Variants in GLYATL2 observed in about 807,000 individuals in gnomAD.
GLYATL2 encodes the protein glycine N-acyltransferase-like protein 2.
Under a neutral mutation model 21.4 loss-of-function variants are expected in GLYATL2, and 25 were observed. That is an observed-to-expected ratio of 1.17 (90% CI 0.85 to 1.63). GLYATL2 has a LOEUF of 1.63. GLYATL2 is among the 40% of genes most tolerant of loss of function. The probability of loss-of-function intolerance (pLI) is 0.00; values close to 1 mark genes in which losing one functional copy is unlikely to be tolerated. For synonymous variants in GLYATL2, 114 were observed against 118.2 expected (o/e 0.96, Z 0.23); for missense variants, 361 against 343.3 (o/e 1.05, Z -0.41).
intron 1 of GLYATL2, among the ~76,000 whole-genome samples, chr11:58,870,138 G>C (rs1443928334): frequency 6.6e-6 from 1 of 152,098 alleles, no homozygotes; most frequent in Non-Finnish European, 1.5e-5. Flanking sequence ...AATGACAATG[G>C]GGCACAGGAG....
chr11:58,909,733 G>A, the GLYATL2 span, among the ~76,000 whole-genome samples: 3 of 152,146 alleles, frequency 2.0e-5, no homozygotes, highest in Non-Finnish European at 4.4e-5. Flanking sequence ...AAGGTAGTGT[G>A]GTGCCAAGAT....
chr11:58,836,927 G>GTC, intron 5 of GLYATL2, 88 bp downstream of exon 5: 1 of 1,156,494 alleles, frequency 8.6e-7, no homozygotes. Context: ...TCATAATTTA[G>GTC]TCTCAAATCC....
At position 58,834,507 on chromosome 11, in the gene GLYATL2, C is replaced by G; in HGVS notation, c.807G>C (p.Gln269His). Residue 269 changes from glutamine (Q) to histidine (H), a missense_variant, in exon 6 of 6, where the codon CAG (glutamine) becomes CAC (histidine). Gln to His is a conservative substitution (Grantham distance 24). Transcript: ENST00000287275. ...TCTTAAACCCCAAATTGTTCAGTGC[C>G]TGTAGGCTTTTCTCATTATTATCTG... Reference protein sequence around the residue: ...HVADNNEKSLQALNNLGFKIC... With the variant: ...HVADNNEKSLHALNNLGFKIC... The G allele has an allele frequency of 6.2e-7, 1 of 1,613,764 alleles. No homozygotes were observed. The highest frequency in any genetic ancestry group is 8.5e-7 in the Non-Finnish European group (1 of 1,179,756).
At chr11:58,909,768 A>G in the GLYATL2 span, among the ~76,000 whole-genome samples, 19 of 152,202 alleles carry the variant, frequency 1.2e-4, no homozygotes, top group African/African-American at 4.6e-4. Flanking sequence ...TATCAATAAG[A>G]GCTCTCCATA....
chr11:58,879,239 A>C (rs1400433569), intron 1 of GLYATL2, among the ~76,000 whole-genome samples: 2 of 152,212 alleles, frequency 1.3e-5, no homozygotes, highest in African/African-American at 4.8e-5. Context: ...AGAAAATTCT[A>C]AAATAAGAAA....
intron 1 of GLYATL2, chr11:58,893,541 C>G (rs1854582669): frequency 6.3e-6 from 1 of 158,506 alleles, no homozygotes; most frequent in Admixed American, 6.4e-5. Flanking sequence ...TCTTCACTTA[C>G]AAATGTTGAT....
chr11:58,906,270 G>A (rs1375621761), upstream of GLYATL2, among the ~76,000 whole-genome samples: 1 of 152,166 alleles, frequency 6.6e-6, no homozygotes, highest in African/African-American at 2.4e-5. Context: ...AGCTTCAAAG[G>A]CCAAGAGTGT....
At chr11:58,846,582 AG>A (rs1853648618), upstream of GLYATL2, among the ~76,000 whole-genome samples, 1 of 152,132 alleles carries the variant, frequency 6.6e-6, no homozygotes, top group Admixed American at 6.5e-5. Flanking sequence ...TTAGACACAA[AG>A]GAAAACTAGA....
At position 58,854,427 on chromosome 11, in the gene GLYATL2, A is replaced by G. The variant is rs372494626; in HGVS notation, n.61-16059T>C. On this transcript the variant is annotated intron_variant and non_coding_transcript_variant, in intron 1 of 4. Coordinates refer to the GLYATL2 transcript ENST00000533636. ...TTATGTTCACTCTATACTGTAGTCT[A>G]TTAGGTGTCCAATTGCATTATGTCT... Among the ~76,000 whole-genome samples, 12 of 152,352 alleles carry G rather than the reference A, an allele frequency of 7.9e-5. No individual in the cohort carries two copies. The East Asian group carries it at 9.6e-4, about 12-fold the overall frequency.
At chr11:58,898,770 T>C (rs2134627989) in intron 1 of GLYATL2, among the ~76,000 whole-genome samples, 1 of 152,036 alleles carries the variant, frequency 6.6e-6, no homozygotes, top group African/African-American at 2.4e-5. Context: ...GAGGTGGAGC[T>C]TGCAGTGAGC....
At chr11:58,901,143 G>A (rs533447237) in intron 1 of GLYATL2, among the ~76,000 whole-genome samples, 1 of 152,294 alleles carries the variant, frequency 6.6e-6, no homozygotes, top group Admixed American at 6.5e-5. Flanking sequence ...CAAGATGCAA[G>A]TAAAAAAGCA....
At position 58,844,465 on chromosome 11, in the gene GLYATL2, T is replaced by G. The variant is rs1182731192; in HGVS notation, c.-72A>C. 1.3e-5 allele frequency: 2 copies of G among 152,238 alleles called. No individual in the cohort carries two copies. Among genetic ancestry groups the G allele is most frequent in the Non-Finnish European group, 2.9e-5 (2 of 68,036 alleles). The allele number at this position is 152,238 out of a possible 1,614,324, so 9.4% of individuals were successfully genotyped here. On this transcript the variant is annotated 5_prime_UTR_variant, in exon 1 of 6. Transcript: ENST00000287275. ...TTTCTTTGTAGACCTGTAGGCACAC[T>G]GCCTGCTGCAGTTTCTCAGTATGGC...
At chr11:58,855,935 C>A (rs866485649) in intron 1 of GLYATL2, among the ~76,000 whole-genome samples, 3 of 151,938 alleles carry the variant, frequency 2.0e-5, no homozygotes, top group Non-Finnish European at 2.9e-5. Flanking sequence ...ACCAGCCTGA[C>A]CAACATGGTG....
intron 1 of GLYATL2, among the ~76,000 whole-genome samples, chr11:58,894,309 G>A (rs562834328): frequency 2.6e-4 from 39 of 152,122 alleles, no homozygotes; most frequent in Admixed American, 4.6e-4. Flanking sequence ...GAAAGGACAC[G>A]TGCCAAGCAC....
chr11:58,858,340 G>T (rs747217536), intron 1 of GLYATL2, among the ~76,000 whole-genome samples: 5 of 152,028 alleles, frequency 3.3e-5, no homozygotes, highest in Admixed American at 6.5e-5. Flanking sequence ...CATTCCCAAT[G>T]GTCTCACTCC....
At chr11:58,902,277 A>T (rs921099369) in intron 1 of GLYATL2, among the ~76,000 whole-genome samples, 1 of 152,088 alleles carries the variant, frequency 6.6e-6, no homozygotes, top group African/African-American at 2.4e-5. Context: ...AAGCTCCATT[A>T]TGTGGTGCCC....
chr11:58,859,925 T>C (rs1853901484), intron 1 of GLYATL2, among the ~76,000 whole-genome samples: 1 of 152,204 alleles, frequency 6.6e-6, no homozygotes, highest in Admixed American at 6.5e-5. Context: ...ATCAATCACC[T>C]TAAATGCATG....
chr11:58,892,934 C>T (rs1329742259), intron 1 of GLYATL2: 3 of 296,192 alleles, frequency 1.0e-5, no homozygotes, highest in Admixed American at 5.1e-5. Flanking sequence ...AGGATGAATT[C>T]CTTTCTTGTG....
chr11:58,872,983 CT>C (rs1383025033), intron 1 of GLYATL2, among the ~76,000 whole-genome samples: 1 of 152,104 alleles, frequency 6.6e-6, no homozygotes, highest in Non-Finnish European at 1.5e-5. Context: ...TGTAGTTCTC[CT>C]TGAAGAGGTC....
Sources: gnomAD v4.1 joint callset for allele counts (sites outside exome capture counted in the v4.1 genomes callset) on GRCh38, gnomAD v4.1.1 for gene constraint, MANE v1.5 for transcripts, NCBI Gene and HGNC (gene_info 2026-07-23, HGNC 2026-07-21) for gene names.